Variants in ATXN1 observed in about 807,000 individuals in gnomAD.
ATXN1 encodes the protein ataxin 1, also known as ataxin-1.
A neutral mutation model predicts 56.4 loss-of-function variants in ATXN1; 8 were observed. That is an observed-to-expected ratio of 0.14 (90% CI 0.08 to 0.26). ATXN1 has a LOEUF of 0.26. Ranked by LOEUF, ATXN1 falls within the 10% of genes least tolerant of loss-of-function variation. The pLI is 1.00. For synonymous variants in ATXN1, 514 were observed against 494.6 expected (o/e 1.04, Z -0.52); for missense variants, 987 against 1,106.5 (o/e 0.89, Z 1.53).
chr6:16,317,026 G>A (rs1221647771), intron 7 of ATXN1, among the ~76,000 whole-genome samples: 1 of 151,968 alleles, frequency 6.6e-6, no homozygotes, highest in Admixed American at 6.6e-5. Flanking sequence ...CAGATGCTGA[G>A]GTCGTCATGA....
intron 5 of ATXN1, among the ~76,000 whole-genome samples, chr6:16,499,048 T>C (rs1760829069): frequency 6.6e-6 from 1 of 152,234 alleles, no homozygotes; most frequent in Non-Finnish European, 1.5e-5. Flanking sequence ...TTTGTGCTTT[T>C]GGTGTCACAT....
intron 6 of ATXN1, among the ~76,000 whole-genome samples, chr6:16,483,674 T>G (rs185703212): frequency 5.2e-4 from 80 of 152,386 alleles, no homozygotes; most frequent in Admixed American, 4.9e-3. Flanking sequence ...GTCTGCCATG[T>G]GGCATCTTAA....
At chr6:16,721,246 A>C (rs540082133) in intron 2 of ATXN1, among the ~76,000 whole-genome samples, 7 of 152,262 alleles carry the variant, frequency 4.6e-5, no homozygotes, top group Non-Finnish European at 1.0e-4. Flanking sequence ...AGGTTACGGC[A>C]TGTAGCCATC....
At chr6:16,416,450 C>T (rs1758910264) in intron 6 of ATXN1, among the ~76,000 whole-genome samples, 1 of 152,176 alleles carries the variant, frequency 6.6e-6, no homozygotes, top group African/African-American at 2.4e-5. Context: ...ATGGAGCACA[C>T]AATAGTGCAA....
chr6:16,546,848 T>C (rs887907719), intron 4 of ATXN1, among the ~76,000 whole-genome samples: 9 of 152,128 alleles, frequency 5.9e-5, no homozygotes, highest in Non-Finnish European at 1.2e-4. Flanking sequence ...ACCCTGAGAG[T>C]ATTGCCACGA....
rs147174169 is a variant in ATXN1 at position 16,559,432 on chromosome 6, C to T, written c.-361+26348G>A. 6.5e-4 allele frequency among the ~76,000 whole-genome samples: 98 copies of T among 150,332 alleles called. 1 individual carries two copies. Among genetic ancestry groups the T allele is most frequent in the African/African-American group, 2.1e-3 (85 of 41,002 alleles). On this transcript the variant is annotated intron_variant, in intron 4 of 7. Transcript: ENST00000436367. ...ATACTTTATGGCAAAATCATACAAT[C>T]GAATACTATTTAGATACTAAAAAAG...
chr6:16,616,585 T>C (rs1441596218), intron 3 of ATXN1, among the ~76,000 whole-genome samples: 1 of 145,180 alleles, frequency 6.9e-6, no homozygotes, highest in Non-Finnish European at 1.5e-5. Context: ...TAATATATTT[T>C]ATAATATATT....
intron 3 of ATXN1, among the ~76,000 whole-genome samples, chr6:16,639,658 G>T (rs1041632715): frequency 2.6e-5 from 4 of 152,200 alleles, no homozygotes; most frequent in Admixed American, 2.6e-4. Context: ...AGGGGCCAGG[G>T]AAGTGCAGCT....
chr6:16,342,429 G>A lies in ATXN1; in HGVS notation c.-160-13959C>T, dbSNP rs551751006. Among the ~76,000 whole-genome samples, 44 of 152,118 alleles carry A rather than the reference G, an allele frequency of 2.9e-4. 1 individual carries two copies. The South Asian group carries it at 8.5e-3, about 29-fold the overall frequency. ...ACCTATGTGCATCGTTGGTGGGAAC[G>A]TAAAATGATGCAGCTGCATGGAAAA... On this transcript the variant is annotated intron_variant, in intron 6 of 7. Transcript: ENST00000436367.
intron 3 of ATXN1, among the ~76,000 whole-genome samples, chr6:16,607,288 G>A (rs773950431): frequency 1.3e-5 from 2 of 152,216 alleles, no homozygotes; most frequent in Non-Finnish European, 1.5e-5. Flanking sequence ...AAGGGTTGGC[G>A]TAAGGGACCT....
chr6:16,584,299 CACAT>C (rs1176405365), intron 4 of ATXN1, among the ~76,000 whole-genome samples: 1 of 149,084 alleles, frequency 6.7e-6, no homozygotes, highest in Non-Finnish European at 1.5e-5. Flanking sequence ...TATACACACA[CACAT>C]ACATATATAG....
chr6:16,404,848 C>G (rs902542236), intron 6 of ATXN1, among the ~76,000 whole-genome samples: 1 of 152,186 alleles, frequency 6.6e-6, no homozygotes, highest in Non-Finnish European at 1.5e-5. Flanking sequence ...GAGAGGGTCC[C>G]ACCCCCACCT....
chr6:16,639,585 A>C (rs1323196576), intron 3 of ATXN1, among the ~76,000 whole-genome samples: 1 of 152,140 alleles, frequency 6.6e-6, no homozygotes, highest in African/African-American at 2.4e-5. Context: ...AGGTGCTGGG[A>C]TTACAGGCCT....
At chr6:16,708,347 T>C (rs377408729) in intron 2 of ATXN1, among the ~76,000 whole-genome samples, 14 of 151,366 alleles carry the variant, frequency 9.2e-5, no homozygotes, top group Non-Finnish European at 7.4e-5. Flanking sequence ...TAAATAAAAA[T>C]GTAATTAGCA....
At chr6:16,518,155 G>A (rs1289183175) in intron 5 of ATXN1, among the ~76,000 whole-genome samples, 1 of 152,186 alleles carries the variant, frequency 6.6e-6, no homozygotes, top group Non-Finnish European at 1.5e-5. Context: ...AGTGAGCTGG[G>A]GGCGGGTAGG....
intron 3 of ATXN1, among the ~76,000 whole-genome samples, chr6:16,588,806 G>C (rs1045029078): frequency 3.9e-5 from 6 of 151,994 alleles, no homozygotes; most frequent in Non-Finnish European, 5.9e-5. Flanking sequence ...GAGGAAGGGA[G>C]GGAGGAAGGT....
chr6:16,624,356 A>G, intron 3 of ATXN1, among the ~76,000 whole-genome samples: 2 of 143,394 alleles, frequency 1.4e-5, no homozygotes, highest in Non-Finnish European at 3.2e-5. Flanking sequence ...TGTCTCAAGA[A>G]AAAAAAAAAA....
chr6:16,740,707 A>G (rs994710301), intron 2 of ATXN1, among the ~76,000 whole-genome samples: 1 of 151,786 alleles, frequency 6.6e-6, no homozygotes. Context: ...TTATTTATTT[A>G]TTTTTTTTAG....
intron 2 of ATXN1, among the ~76,000 whole-genome samples, chr6:16,685,070 C>T (rs1325152329): frequency 6.6e-6 from 1 of 152,122 alleles, no homozygotes; most frequent in Non-Finnish European, 1.5e-5. Context: ...CACACACACC[C>T]TCCCACTTCT....
Sources: allele counts gnomAD v4.1 joint callset (sites outside exome capture counted in the v4.1 genomes callset), GRCh38; gene constraint gnomAD v4.1.1; transcripts MANE v1.5; gene names NCBI Gene and HGNC (gene_info 2026-07-23, HGNC 2026-07-21).